The following SPA17 variants were observed in gnomAD, a reference collection of about 807,000 sequenced individuals.
SPA17 encodes sperm autoantigenic protein 17.
In SPA17, 7 loss-of-function variants were observed where a neutral mutation model predicts 13.8. The observed-to-expected ratio is 0.51, with a 90% confidence interval of 0.29 to 0.95. The LOEUF (loss-of-function observed/expected upper bound fraction) is 0.95. SPA17 is among the 40% of genes least tolerant of loss of function. SPA17 has a pLI of 0.08. For synonymous variants in SPA17, 61 were observed against 59.0 expected (o/e 1.03, Z -0.16); for missense variants, 170 against 179.3 (o/e 0.95, Z 0.30).
chr11:124,681,358 A>T, intron 2 of SPA17, 31 bp from the exon 3 acceptor site: 2 of 1,506,652 alleles, frequency 1.3e-6, no homozygotes, highest in Non-Finnish European at 1.8e-6. Flanking sequence ...AATTCAAATA[A>T]ATCTGAAGTT....
At chr11:124,683,252 CAA>C (rs1401325503) in intron 3 of SPA17, among the ~76,000 whole-genome samples, 1 of 151,686 alleles carries the variant, frequency 6.6e-6, no homozygotes, top group African/African-American at 2.4e-5. Flanking sequence ...AACTTGGAAG[CAA>C]AAAAATGGAA....
At chr11:124,675,459 T>A (rs199610309) in intron 2 of SPA17, 41 bp downstream of exon 2, 1 of 1,592,854 alleles carries the variant, frequency 6.3e-7, no homozygotes, top group Admixed American at 1.8e-5. Context: ...AATAAGAAAC[T>A]AAGCATTTGT....
At position 124,681,423 on chromosome 11, in the gene SPA17, G is replaced by A. The variant is rs1371238803; in HGVS notation, c.189G>A (p.Lys63=). ...TNFDPAEWGS[K]VEDRFYNNHA... ...TTGATCCAGCAGAATGGGGGAGTAA[G>A]GTAGAAGACCGCTTCTATAACAATC... Residue 63 remains lysine (K), a synonymous_variant, in exon 3 of 5, where the codon AAG becomes AAA. Coordinates refer to ENST00000227135, the MANE Select transcript of SPA17 (RefSeq NM_017425.4). The A allele has an allele frequency of 6.3e-7, 1 of 1,581,856 alleles. No individual in the cohort carries two copies. The highest frequency in any genetic ancestry group is 1.4e-5 in the African/African-American group (1 of 73,738).
At chr11:124,674,776 A>C (rs1395070216) in intron 1 of SPA17, 1 of 153,848 alleles carries the variant, frequency 6.5e-6, no homozygotes, top group African/African-American at 2.4e-5. Context: ...CAGCAAGGGG[A>C]AAGATTGTGC....
At chr11:124,689,101 G>A (rs545673469) in intron 3 of SPA17, among the ~76,000 whole-genome samples, 1 of 152,236 alleles carries the variant, frequency 6.6e-6, no homozygotes, top group African/African-American at 2.4e-5. Context: ...AGCAAAATTG[G>A]AGAGCCGTAT....
chr11:124,689,510 G>A (rs1171023154), intron 3 of SPA17, among the ~76,000 whole-genome samples: 2 of 152,142 alleles, frequency 1.3e-5, no homozygotes, highest in Non-Finnish European at 2.9e-5. Context: ...CAAAGGGCTG[G>A]GCGTGGTGGT....
rs151136756 is a variant in SPA17 at position 124,676,472 on chromosome 11, G to T, written c.154+1054G>T. ...CTATTGTAATCATTTTATAGTGGAA[G>T]AAAACCTAGCACAAGGGTAGAATTA... is the stretch of plus-strand genomic sequence containing the variant. On this transcript the variant is annotated intron_variant, in intron 2 of 4. Coordinates refer to ENST00000227135, the MANE Select transcript of SPA17 (RefSeq NM_017425.4). Among the ~76,000 whole-genome samples, 673 of 152,306 alleles carry T rather than the reference G, an allele frequency of 4.4e-3. 10 individuals are homozygous for T. Among genetic ancestry groups the T allele is most frequent in the Admixed American group, 0.035 (533 of 15,300 alleles).
rs75499917 is a variant in SPA17 at position 124,694,718 on chromosome 11, G to A, written c.*272G>A. ...AGAATTATAGAACTAAAGTATCTGA[G>A]ATTACAGAGATCTCAGAGGTTATGT... On this transcript the variant is annotated 3_prime_UTR_variant, in exon 5 of 5. Transcript: ENST00000227135. 3,320 of 286,596 alleles carry A rather than the reference G, an allele frequency of 0.012. 86 individuals carry two copies. Among genetic ancestry groups the A allele is most frequent in the East Asian group, 0.096 (1,296 of 13,446 alleles). 17.8% of individuals were successfully genotyped at this position (286,596 alleles called of 1,614,324 possible).
At chr11:124,682,324 T>G (rs1943536552) in intron 3 of SPA17, among the ~76,000 whole-genome samples, 1 of 152,048 alleles carries the variant, frequency 6.6e-6, no homozygotes, top group African/African-American at 2.4e-5. Context: ...ACAGGAAACA[T>G]GAAAAACAAG....
At chr11:124,674,483 T>A (rs1943431232) in intron 1 of SPA17, 1 of 152,332 alleles carries the variant, frequency 6.6e-6, no homozygotes, top group African/African-American at 2.4e-5. Context: ...ACTCTCACAT[T>A]AACAGGCCAG....
At chr11:124,678,126 A>G (rs1943490026) in intron 2 of SPA17, among the ~76,000 whole-genome samples, 1 of 152,234 alleles carries the variant, frequency 6.6e-6, no homozygotes, top group Non-Finnish European at 1.5e-5. Context: ...TACACTTTTC[A>G]GGGCATCATT....
rs1943671391 is a variant in SPA17 at position 124,696,391 on chromosome 11, G to A, written c.*1945G>A. Reference sequence around the variant, plus strand: ...AAAAAAGGGATTTTTTCCCTAGTGAGTATATAGCAGGAAAAAAAAAAAAGA... The same window carrying A: ...AAAAAAGGGATTTTTTCCCTAGTGAATATATAGCAGGAAAAAAAAAAAAGA... On this transcript the variant is annotated 3_prime_UTR_variant, in exon 5 of 5. Transcript: ENST00000227135. The A allele has an allele frequency of 6.6e-6, 1 of 150,828 alleles. No individual in the cohort carries two copies. The highest frequency in any genetic ancestry group is 2.5e-5 in the African/African-American group (1 of 40,792). The allele number at this position is 150,828 out of a possible 1,614,324, so 9.3% of individuals were successfully genotyped here. A position where few individuals can be genotyped will look rare whatever the true frequency, so the allele number is the denominator to read the frequency against.
rs1466886358 is a variant in SPA17 at position 124,696,312 on chromosome 11, A to C, written c.*1866A>C. Reference sequence around the variant, plus strand: ...CTGCTTAGCGGATTGTCAAGGGGGGACCCAGAATTTATGCAAAGACTTAGA... The same window carrying C: ...CTGCTTAGCGGATTGTCAAGGGGGGCCCCAGAATTTATGCAAAGACTTAGA... On this transcript the variant is annotated 3_prime_UTR_variant, in exon 5 of 5. Coordinates refer to ENST00000227135, the MANE Select transcript of SPA17 (RefSeq NM_017425.4). 6.6e-6 allele frequency: 1 copy of C among 151,746 alleles called. No individual in the cohort carries two copies. The highest frequency in any genetic ancestry group is 1.5e-5 in the Non-Finnish European group (1 of 67,976). The allele number at this position is 151,746 out of a possible 1,614,324, so 9.4% of individuals were successfully genotyped here.
chr11:124,687,132 G>T (rs1943584968), intron 3 of SPA17, among the ~76,000 whole-genome samples: 1 of 152,060 alleles, frequency 6.6e-6, no homozygotes, highest in Non-Finnish European at 1.5e-5. Flanking sequence ...AATACAAATG[G>T]TCATCAGAGA....
intron 3 of SPA17, among the ~76,000 whole-genome samples, chr11:124,683,938 A>G (rs867132631): frequency 5.9e-5 from 9 of 152,220 alleles, no homozygotes; most frequent in Admixed American, 2.0e-4. Flanking sequence ...CAGAAAATCA[A>G]CAAAGTAACT....
At chr11:124,688,519 G>T (rs117184400) in intron 3 of SPA17, among the ~76,000 whole-genome samples, 1 of 152,014 alleles carries the variant, frequency 6.6e-6, no homozygotes, top group African/African-American at 2.4e-5. Flanking sequence ...AGGAGTAAAC[G>T]TAACCAAGGA....
At chr11:124,690,313 C>A (rs890582324) in intron 3 of SPA17, among the ~76,000 whole-genome samples, 1 of 152,122 alleles carries the variant, frequency 6.6e-6, no homozygotes, top group African/African-American at 2.4e-5. Context: ...TCTTTTCCAG[C>A]AACATGGATG....
intron 3 of SPA17, among the ~76,000 whole-genome samples, chr11:124,689,763 AAAAAAG>A (rs559611979): frequency 1.3e-4 from 20 of 152,126 alleles, no homozygotes; most frequent in Admixed American, 3.9e-4. Flanking sequence ...GTCTCAAAAA[AAAAAAG>A]AAAAAGAAAA....
chr11:124,681,340 C>G, intron 2 of SPA17, 49 bp from the exon 3 acceptor site: 11 of 1,436,768 alleles, frequency 7.7e-6, no homozygotes, highest in Non-Finnish European at 1.0e-5. Flanking sequence ...TCTACATTTA[C>G]CTTAATGAAT....
Sources: gnomAD v4.1 joint callset for allele counts (sites outside exome capture counted in the v4.1 genomes callset) on GRCh38, gnomAD v4.1.1 for gene constraint, MANE v1.5 for transcripts, NCBI Gene and HGNC (gene_info 2026-07-23, HGNC 2026-07-21) for gene names.